The following TRPV5 variants were observed in gnomAD, a reference collection of about 807,000 sequenced individuals.
TRPV5 encodes calcium transport protein 2.
A neutral mutation model predicts 74.1 loss-of-function variants in TRPV5; 66 were observed. The observed-to-expected ratio is 0.89, with a 90% CI of 0.73 to 1.09. The LOEUF (loss-of-function observed/expected upper bound fraction) is 1.09. Among genes scored for constraint, TRPV5 ranks in the 50% least tolerant of loss-of-function variants. The pLI is 0.00. For missense variants in TRPV5, 936 were observed against 930.4 expected (o/e 1.01, Z -0.08); for synonymous variants, 399 against 360.7 (o/e 1.11, Z -1.20).
intron 5 of TRPV5, 25 bp from the exon 6 acceptor site, chr7:142,928,891 T>C: frequency 6.2e-7 from 1 of 1,613,224 alleles, no homozygotes; most frequent in Non-Finnish European, 8.5e-7. Flanking sequence ...GGGTATCATG[T>C]GGCCACTGGC....
At chr7:142,930,320 A>G (rs753521863) in intron 2 of TRPV5, 29 bp downstream of exon 2, 147 of 1,609,832 alleles carry the variant, frequency 9.1e-5, no homozygotes, top group Non-Finnish European at 1.1e-4. Context: ...TTCTGCCCCC[A>G]CCTCCATCCC....
chr7:142,930,161 C>T lies in TRPV5; in HGVS notation c.246G>A (p.Ala82=), dbSNP rs766993567. 4.6e-5 allele frequency: 74 copies of T among 1,613,334 alleles called. No individual in the cohort carries two copies. Among genetic ancestry groups the T allele is most frequent in the Non-Finnish European group, 5.3e-5 (63 of 1,179,868 alleles). The change falls in exon 3 of 15, where the codon GCG becomes GCA. Residue 82 remains alanine, a synonymous_variant. Transcript: ENST00000265310. ...VRQRGALGET[A]LHIAALYDNL... ...TGTCATAGAGGGCTGCTATGTGCAGCGCCGTCTCCCCCAGGGCTCCTGGAT... is the reference window on the plus strand; with the variant it reads ...TGTCATAGAGGGCTGCTATGTGCAGTGCCGTCTCCCCCAGGGCTCCTGGAT...
At chr7:142,912,878 A>ATCTG (rs2116576712) in intron 12 of TRPV5, 128 bp from the exon 13 acceptor site, 1 of 1,111,250 alleles carries the variant, frequency 9.0e-7, no homozygotes, top group Non-Finnish European at 1.3e-6. Flanking sequence ...CTATCTATCT[A>ATCTG]TCTAAATACA....
intron 1 of TRPV5, 65 bp from the exon 2 acceptor site, chr7:142,930,511 G>C: frequency 1.7e-6 from 2 of 1,202,548 alleles, no homozygotes; most frequent in Non-Finnish European, 2.5e-6. Context: ...AGAGCAAAGG[G>C]GATCTAAGAC....
chr7:142,933,263 C>A, intron 1 of TRPV5, 69 bp downstream of exon 1: 1 of 1,579,208 alleles, frequency 6.3e-7, no homozygotes, highest in South Asian at 1.2e-5. Flanking sequence ...ATTCGGAAAG[C>A]AGGCCCAGGT....
chr7:142,914,566 G>A (rs1286789951), intron 12 of TRPV5, 74 bp downstream of exon 12: 26 of 1,265,772 alleles, frequency 2.1e-5, no homozygotes, highest in Non-Finnish European at 2.6e-5. Flanking sequence ...AATGAGAACT[G>A]AGAGCAAGAA....
At chr7:142,919,260 C>G (rs1205891418) in intron 8 of TRPV5, among the ~76,000 whole-genome samples, 1 of 152,216 alleles carries the variant, frequency 6.6e-6, no homozygotes, top group Non-Finnish European at 1.5e-5. Context: ...CTTAGAGCTT[C>G]CTGAGGGCAG....
chr7:142,912,950 C>T (rs956373207), intron 12 of TRPV5, among the ~76,000 whole-genome samples, 200 bp from the exon 13 acceptor site: 6 of 152,062 alleles, frequency 3.9e-5, no homozygotes, highest in African/African-American at 1.2e-4. Flanking sequence ...AACTGTCTAA[C>T]CCTAAGATGT....
rs1284346643 is a variant in TRPV5 at position 142,930,085 on chromosome 7, C to T, written c.322G>A (p.Glu108Lys). Residue 108 changes from glutamate (E) to lysine (K), a missense_variant, in exon 3 of 15, where the codon GAG (glutamate) becomes AAG (lysine). Coordinates refer to ENST00000265310, the MANE Select transcript of TRPV5 (RefSeq NM_019841.7). ...GCAAAAGCCTCACATGTGGTGGGCT[C>T]AAAGACCAGCTCTGGGGCAGCCTCC... ...LMEAAPELVF[E>K]PTTCEAFAGQ... 1 of 1,614,048 alleles carries T rather than the reference C, an allele frequency of 6.2e-7. No homozygotes were observed. The highest frequency in any genetic ancestry group is 8.5e-7 in the Non-Finnish European group (1 of 1,180,022).
In TRPV5 at chr7:142,928,779, T is replaced by A. The variant is rs758140618; in HGVS notation, c.674A>T (p.His225Leu). The change falls in exon 6 of 15, where the codon CAT becomes CTT. Residue 225 changes from histidine (H) to leucine (L), a missense_variant. Coordinates refer to ENST00000265310, the MANE Select transcript of TRPV5 (RefSeq NM_019841.7). ...MYNLLLSYDG[H>L]GDHLQPLDLV... is the part of the protein sequence containing the mutation. ...GTCCAGGGGCTGCAGGTGGTCCCCA[T>A]GTCCATCATAGGACAGCAGCAGGTT... The A allele has an allele frequency of 6.2e-7, 1 of 1,614,188 alleles. No homozygotes were observed. The highest frequency in any genetic ancestry group is 8.5e-7 in the Non-Finnish European group (1 of 1,180,014).
In TRPV5 at chr7:142,929,550, T is replaced by C. The variant is rs1345549566; in HGVS notation, c.365A>G (p.His122Arg). ...CACATTCTGGTTCACAACAGCGATG[T>C]GCAGTGCAGTCTGACCTGGCCCAGA... ...CEAFAGQTAL[H>R]IAVVNQNVNL... The change falls in exon 4 of 15, where the codon CAC (histidine) becomes CGC (arginine). Residue 122 changes from histidine (H) to arginine (R), a missense_variant. Coordinates refer to ENST00000265310, the MANE Select transcript of TRPV5 (RefSeq NM_019841.7). 2.5e-6 allele frequency: 4 copies of C among 1,614,036 alleles called. No homozygotes were observed. Among genetic ancestry groups the C allele is most frequent in the Non-Finnish European group, 3.4e-6 (4 of 1,179,908 alleles).
chr7:142,909,111 A>G (rs977729013), intron 14 of TRPV5, among the ~76,000 whole-genome samples: 1 of 152,162 alleles, frequency 6.6e-6, no homozygotes, highest in African/African-American at 2.4e-5. Flanking sequence ...CAACTAATAG[A>G]TAAGCGTGTC....
Position 142,928,684 on chromosome 7 carries a change from C to A in TRPV5, c.762+7G>T. 2 of 1,612,476 alleles carry A rather than the reference C, an allele frequency of 1.2e-6. No homozygotes were observed. The highest frequency in any genetic ancestry group is 1.7e-6 in the Non-Finnish European group (2 of 1,179,204). ...AAGACACCTCAGGGATGGGGAGCGT[C>A]TCTTACCACAGTGTTACCCTCCACT... On this transcript the variant is annotated splice_region_variant and intron_variant, in intron 6 of 14. Transcript: ENST00000265310.
In TRPV5 at chr7:142,930,364, C is replaced by G. The variant is rs1171470288; in HGVS notation, c.211G>C (p.Asp71His). The change falls in exon 2 of 15, where the codon GAC becomes CAC. Residue 71 changes from aspartate to histidine, a missense_variant. By Grantham distance (81) the Asp-to-His change is moderately conservative. Coordinates refer to ENST00000265310, the MANE Select transcript of TRPV5 (RefSeq NM_019841.7). ...LRQLLLDCTCDVRQRGALGET... is the reference protein window; with the variant it reads ...LRQLLLDCTCHVRQRGALGET... ...CAGATCCCACCTCTTTGTCGAACGT[C>G]ACAGGTGCAGTCCAGTAGAAGTTGC... The G allele has an allele frequency of 6.2e-7, 1 of 1,614,160 alleles. No individual in the cohort carries two copies. Among genetic ancestry groups the G allele is most frequent in the Admixed American group, 1.7e-5 (1 of 60,026 alleles).
intron 8 of TRPV5, among the ~76,000 whole-genome samples, chr7:142,921,148 C>T (rs761158680): frequency 1.2e-4 from 18 of 152,320 alleles, no homozygotes; most frequent in African/African-American, 1.4e-4. Context: ...ATAGATCCCA[C>T]GGACTGTGAT....
chr7:142,924,012 C>T (rs986386682), intron 8 of TRPV5, among the ~76,000 whole-genome samples: 8 of 151,950 alleles, frequency 5.3e-5, no homozygotes, highest in African/African-American at 1.9e-4. Context: ...TGTGTTTTCT[C>T]AATTTCTAAT....
rs532867041 is a variant in TRPV5, at chr7:142,929,521, G to C, written c.394C>G (p.Leu132Val). Residue 132 changes from leucine to valine, a missense_variant, in exon 4 of 15, where the codon CTG becomes GTG. Transcript: ENST00000265310. ...CTGCGGGTGAGCAGGGCACGCACCAGGTTCACATTCTGGTTCACAACAGCG... is the reference window on the plus strand; with the variant it reads ...CTGCGGGTGAGCAGGGCACGCACCACGTTCACATTCTGGTTCACAACAGCG... ...HIAVVNQNVN[L>V]VRALLTRRAS... 1.1e-5 allele frequency: 18 copies of C among 1,614,122 alleles called. No individual in the cohort carries two copies. The highest frequency in any genetic ancestry group is 1.5e-5 in the Non-Finnish European group (18 of 1,180,006).
rs530455013 is a variant in TRPV5 at position 142,925,278 on chromosome 7, A to G, written c.1122+251T>C. The G allele has an allele frequency of 1.2e-5, 7 of 562,844 alleles. No individual in the cohort carries two copies. In the South Asian group the frequency reaches 1.3e-4, roughly 10 times the overall value. 34.9% of individuals were successfully genotyped at this position (562,844 alleles called of 1,614,324 possible). A position where few individuals can be genotyped will look rare whatever the true frequency, so the allele number is the denominator to read the frequency against. ...TTACCAAAAAATTTCACAAAAGCAC[A>G]GGCTTACTCATGCCAAGCACTCTTT... On this transcript the variant is annotated intron_variant, in intron 8 of 14. Coordinates refer to ENST00000265310, the MANE Select transcript of TRPV5 (RefSeq NM_019841.7).
At chr7:142,926,922 A>G (rs568579254) in intron 7 of TRPV5, among the ~76,000 whole-genome samples, 72 of 152,276 alleles carry the variant, frequency 4.7e-4, no homozygotes, top group Non-Finnish European at 8.7e-4. Context: ...TGGATCTATA[A>G]GGATTCCTGG....
Sources: gnomAD v4.1 joint callset for allele counts (sites outside exome capture counted in the v4.1 genomes callset) on GRCh38, gnomAD v4.1.1 for gene constraint, MANE v1.5 for transcripts, NCBI Gene and HGNC (gene_info 2026-07-23, HGNC 2026-07-21) for gene names.